Variants in CSMD3 observed in about 807,000 individuals in gnomAD.
The protein encoded by CSMD3 is CUB and Sushi multiple domains 3.
A neutral mutation model predicts 435.2 loss-of-function variants in CSMD3; 177 were observed. The observed-to-expected ratio is 0.41, with a 90% CI of 0.36 to 0.46. The LOEUF (loss-of-function observed/expected upper bound fraction) is 0.46. Among genes scored for constraint, CSMD3 ranks in the 20% least tolerant of loss-of-function variants. The pLI is 0.34. For synonymous variants in CSMD3, 1,656 were observed against 1,520.5 expected (o/e 1.09, Z -2.07); for missense variants, 4,265 against 4,504.6 (o/e 0.95, Z 1.52).
At chr8:112,603,183 C>T (rs1314729942) in intron 22 of CSMD3, among the ~76,000 whole-genome samples, 2 of 152,220 alleles carry the variant, frequency 1.3e-5, no homozygotes, top group East Asian at 1.9e-4. Context: ...TGGCCCAATT[C>T]ACATTTTTTC....
rs557638681 is a variant in CSMD3, at chr8:112,293,749, A to G, written c.8615-1039T>C. ...ATTGCATTATCTCACTCTATTAATCAGAGCAACTTCAGTAATAGTGCTTCC... is the reference window on the plus strand; with the variant it reads ...ATTGCATTATCTCACTCTATTAATCGGAGCAACTTCAGTAATAGTGCTTCC... On this transcript the variant is annotated intron_variant, in intron 54 of 70. Transcript: ENST00000297405. 1.9e-3 allele frequency among the ~76,000 whole-genome samples: 289 copies of G among 152,266 alleles called. 3 individuals carry two copies. The highest frequency in any genetic ancestry group is 5.3e-4 in the Non-Finnish European group (36 of 68,002).
rs2075794633 is a variant in CSMD3, at chr8:112,677,515, C to T, written c.2677+4927G>A. Among the ~76,000 whole-genome samples the T allele has an allele frequency of 4.7e-5, 7 of 147,974 alleles. No homozygotes were observed. The South Asian group carries it at 1.5e-3, about 32-fold the overall frequency. ...TGAGTCTGACTGAAATGAAATCATA[C>T]TAGATAACTGAGCCACATTAGGAGC... On this transcript the variant is annotated intron_variant, in intron 16 of 70. Coordinates refer to ENST00000297405, the MANE Select transcript of CSMD3 (RefSeq NM_198123.2).
intron 5 of CSMD3, among the ~76,000 whole-genome samples, chr8:113,073,797 C>T (rs1270998792): frequency 6.6e-6 from 1 of 151,614 alleles, no homozygotes; most frequent in Non-Finnish European, 1.5e-5. Context: ...TGACAGCATT[C>T]GCCTTCGGAA....
At chr8:112,926,322 C>A (rs967620890) in intron 9 of CSMD3, among the ~76,000 whole-genome samples, 1 of 151,862 alleles carries the variant, frequency 6.6e-6, no homozygotes, top group African/African-American at 2.4e-5. Flanking sequence ...CATGAAATGA[C>A]AAGGAGGACA....
intron 13 of CSMD3, among the ~76,000 whole-genome samples, chr8:112,757,615 TG>T (rs2077730599): frequency 6.6e-6 from 1 of 152,142 alleles, no homozygotes; most frequent in Admixed American, 6.5e-5. Context: ...CTCAGTTCTT[TG>T]ATGGATCTAA....
chr8:112,804,102 A>C (rs2079024295), intron 12 of CSMD3, among the ~76,000 whole-genome samples: 1 of 152,200 alleles, frequency 6.6e-6, no homozygotes, highest in Non-Finnish European at 1.5e-5. Flanking sequence ...GGTGTATCCG[A>C]AAGACAAGGG....
intron 10 of CSMD3, among the ~76,000 whole-genome samples, chr8:112,893,923 A>T (rs913599951): frequency 9.3e-5 from 14 of 150,362 alleles, no homozygotes; most frequent in African/African-American, 3.2e-4. Flanking sequence ...TTTTGTAACT[A>T]TCATAATAAT....
intron 1 of CSMD3, among the ~76,000 whole-genome samples, chr8:113,364,967 A>C (rs2094301870): frequency 6.6e-6 from 1 of 152,086 alleles, no homozygotes; most frequent in African/African-American, 2.4e-5. Flanking sequence ...TGTATAGTAC[A>C]CCAGATTGAT....
intron 1 of CSMD3, among the ~76,000 whole-genome samples, chr8:113,427,903 G>C (rs2094645441): frequency 6.6e-6 from 1 of 151,568 alleles, no homozygotes; most frequent in Admixed American, 6.6e-5. Flanking sequence ...TATATGTGAA[G>C]TTCATAAATT....
intron 22 of CSMD3, among the ~76,000 whole-genome samples, chr8:112,622,780 T>C (rs1255400036): frequency 2.6e-5 from 4 of 152,138 alleles, no homozygotes; most frequent in Non-Finnish European, 4.4e-5. Context: ...ATGATGATAG[T>C]TTTTTGCATC....
intron 16 of CSMD3, among the ~76,000 whole-genome samples, chr8:112,675,515 G>T (rs1056206619): frequency 2.6e-5 from 4 of 152,066 alleles, no homozygotes; most frequent in Admixed American, 2.6e-4. Flanking sequence ...CAGTGTAGGG[G>T]ACATGTGAGT....
intron 41 of CSMD3, among the ~76,000 whole-genome samples, chr8:112,345,864 T>TAA (rs11290654): frequency 7.4e-4 from 110 of 148,428 alleles, no homozygotes; most frequent in African/African-American, 2.6e-3. Context: ...TAAATCAGAG[T>TAA]AAAAAAAAAA....
intron 22 of CSMD3, among the ~76,000 whole-genome samples, chr8:112,627,629 A>C (rs1228900966): frequency 6.6e-6 from 1 of 152,202 alleles, no homozygotes; most frequent in Non-Finnish European, 1.5e-5. Context: ...ATATATGGAG[A>C]ATGAGGTATT....
At chr8:112,907,615 T>C (rs1415947378) in intron 10 of CSMD3, among the ~76,000 whole-genome samples, 1 of 151,188 alleles carries the variant, frequency 6.6e-6, no homozygotes, top group Non-Finnish European at 1.5e-5. Flanking sequence ...TCCTCTTAAG[T>C]CTGGGCTTCT....
In CSMD3 at chr8:112,650,288, A is replaced by G; in HGVS notation, c.3066T>C (p.Tyr1022=). Residue 1022 remains tyrosine (Y), a synonymous_variant, in exon 19 of 71, where the codon TAT becomes TAC. Transcript: ENST00000297405. ...DPGIPVHGRR[Y]GHDFSIGSTV... ...TAGAGCCAATGGAGAAATCATGACC[A>G]TAGCGACGGCCATGTACAGGTATGC... 6.2e-7 allele frequency: 1 copy of G among 1,613,864 alleles called. No homozygotes were observed. Among genetic ancestry groups the G allele is most frequent in the Non-Finnish European group, 8.5e-7 (1 of 1,179,798 alleles).
intron 5 of CSMD3, among the ~76,000 whole-genome samples, chr8:113,079,649 A>C (rs1246153689): frequency 6.6e-6 from 1 of 152,178 alleles, no homozygotes; most frequent in East Asian, 1.9e-4. Flanking sequence ...TCATGTAGAC[A>C]TGATACAGAT....
chr8:112,428,483 TTAA>T (rs1201808467), intron 32 of CSMD3, among the ~76,000 whole-genome samples: 4 of 152,130 alleles, frequency 2.6e-5, no homozygotes, highest in Non-Finnish European at 5.9e-5. Flanking sequence ...AGAAACCAGG[TTAA>T]TATCCAATTA....
At chr8:112,245,053 G>A (rs896027717) in intron 64 of CSMD3, among the ~76,000 whole-genome samples, 8 of 151,768 alleles carry the variant, frequency 5.3e-5, no homozygotes, top group African/African-American at 1.7e-4. Context: ...ATTTTCTATT[G>A]TTAAATAAAA....
At chr8:112,928,491 T>C (rs2082985426) in intron 9 of CSMD3, among the ~76,000 whole-genome samples, 1 of 152,066 alleles carries the variant, frequency 6.6e-6, no homozygotes, top group Non-Finnish European at 1.5e-5. Flanking sequence ...CCTGTGTCCA[T>C]GTGATCTCAC....
Sources: gnomAD v4.1 joint callset for allele counts (sites outside exome capture counted in the v4.1 genomes callset) on GRCh38, gnomAD v4.1.1 for gene constraint, MANE v1.5 for transcripts, NCBI Gene and HGNC (gene_info 2026-07-23, HGNC 2026-07-21) for gene names.